The following ARHGEF12 variants were observed in gnomAD, a reference collection of about 807,000 sequenced individuals.
ARHGEF12 encodes the protein Rho guanine nucleotide exchange factor 12.
Under a neutral mutation model 211.2 loss-of-function variants are expected in ARHGEF12, and 66 were observed. The ratio of observed to expected loss-of-function variants is 0.31; its 90% CI spans 0.26 to 0.38. ARHGEF12 has a LOEUF of 0.38. ARHGEF12 is among the 10% of genes least tolerant of loss of function. ARHGEF12 has a pLI of 1.00. For synonymous variants in ARHGEF12, 592 were observed against 638.4 expected (o/e 0.93, Z 1.09); for missense variants, 1,429 against 1,869.5 (o/e 0.76, Z 4.34).
At chr11:120,430,888 C>A (rs1945505519) in intron 10 of ARHGEF12, among the ~76,000 whole-genome samples, 1 of 152,090 alleles carries the variant, frequency 6.6e-6, no homozygotes, top group Non-Finnish European at 1.5e-5. Flanking sequence ...TACCTTCAGT[C>A]CCAGTAGCGA....
intron 1 of ARHGEF12, chr11:120,365,809 G>A (rs1261588930): frequency 6.6e-6 from 1 of 152,118 alleles, no homozygotes; most frequent in Non-Finnish European, 1.5e-5. Flanking sequence ...TTGAAAAAGG[G>A]CACCTCCCAA....
intron 1 of ARHGEF12, among the ~76,000 whole-genome samples, chr11:120,362,673 G>A (rs1384021576): frequency 6.6e-6 from 1 of 152,178 alleles, no homozygotes; most frequent in Non-Finnish European, 1.5e-5. Context: ...TATTTGGAAA[G>A]TATCTTCTAG....
Position 120,480,228 on chromosome 11 carries a change from C to A in ARHGEF12, c.4035C>A (p.Pro1345=), listed in dbSNP as rs1357489341. 4 of 1,614,160 alleles carry A rather than the reference C, an allele frequency of 2.5e-6. No individual in the cohort carries two copies. The highest frequency in any genetic ancestry group is 3.4e-6 in the Non-Finnish European group (4 of 1,180,026). ...FAPRDSVGLA[P]QDSQASNILV... ...CACGGGATTCAGTGGGACTGGCACCCCAGGATAGCCAGGCAAGTAACATTT... is the reference window on the plus strand; with the variant it reads ...CACGGGATTCAGTGGGACTGGCACCACAGGATAGCCAGGCAAGTAACATTT... Residue 1345 remains proline, a synonymous_variant, in exon 38 of 41, where the codon CCC becomes CCA. Coordinates refer to ENST00000397843, the MANE Select transcript of ARHGEF12 (RefSeq NM_015313.3).
chr11:120,451,843 A>T, intron 22 of ARHGEF12, 119 bp downstream of exon 22: 5 of 917,276 alleles, frequency 5.5e-6, no homozygotes, highest in Non-Finnish European at 8.2e-6. Context: ...TAATTTTGAC[A>T]TTTTAATATG....
intron 1 of ARHGEF12, among the ~76,000 whole-genome samples, chr11:120,350,392 G>A (rs1040892746): frequency 5.3e-5 from 8 of 152,004 alleles, no homozygotes; most frequent in African/African-American, 1.7e-4. Context: ...GTGGGCACCT[G>A]TAGTCCCAGC....
intron 15 of ARHGEF12, among the ~76,000 whole-genome samples, chr11:120,443,021 CTTTTTTTTTT>C (rs371200953): frequency 0.01 from 1,394 of 133,702 alleles, 10 homozygotes; most frequent in Middle Eastern, 0.023. Flanking sequence ...GAGTGACTGT[CTTTTTTTTTT>C]TTTTTTTTGA....
chr11:120,426,864 T>G (rs1380373007), intron 7 of ARHGEF12, among the ~76,000 whole-genome samples: 3 of 151,548 alleles, frequency 2.0e-5, no homozygotes, highest in Non-Finnish European at 4.4e-5. Flanking sequence ...TATGGTGTTT[T>G]TTTTTGTTTT....
In ARHGEF12 at chr11:120,337,143, CT is replaced by C; in HGVS notation, c.-100del. The C allele has an allele frequency of 7.0e-7, 1 of 1,424,778 alleles. No individual in the cohort carries two copies. Among genetic ancestry groups the C allele is most frequent in the Non-Finnish European group, 9.9e-7 (1 of 1,009,618 alleles). 88.3% of individuals were successfully genotyped at this position (1,424,778 alleles called of 1,614,324 possible). On this transcript the variant is annotated 5_prime_UTR_variant, in exon 1 of 41. The change abolishes the stop of an existing upstream ORF in the 5' untranslated region. Coordinates refer to ENST00000397843, the MANE Select transcript of ARHGEF12 (RefSeq NM_015313.3). Reference sequence around the variant, plus strand: ...AGTTTTGAGTTGGACTTTTGTGTCCCTGACGGAGTTGGGCCTGATCCCAGAG... The same window carrying C: ...AGTTTTGAGTTGGACTTTTGTGTCCCGACGGAGTTGGGCCTGATCCCAGAG...
At chr11:120,478,461 G>A in intron 37 of ARHGEF12, 72 bp downstream of exon 37, 3 of 1,343,596 alleles carry the variant, frequency 2.2e-6, no homozygotes, top group Non-Finnish European at 3.1e-6. Context: ...TAAAGTATGT[G>A]GATTTATCAA....
chr11:120,462,086 C>T (rs117843905), intron 27 of ARHGEF12, among the ~76,000 whole-genome samples: 2,370 of 152,196 alleles, frequency 0.016, 33 homozygotes, highest in Non-Finnish European at 0.024. Flanking sequence ...GGCCATTTGG[C>T]GTAAGAGCCA....
chr11:120,371,209 C>T (rs1399391235), intron 1 of ARHGEF12, among the ~76,000 whole-genome samples: 3 of 152,224 alleles, frequency 2.0e-5, no homozygotes, highest in East Asian at 3.8e-4. Flanking sequence ...ATCTTTAGGG[C>T]TGGGTGCGGT....
intron 1 of ARHGEF12, among the ~76,000 whole-genome samples, chr11:120,372,418 A>T (rs1943614761): frequency 6.6e-6 from 1 of 151,958 alleles, no homozygotes; most frequent in Non-Finnish European, 1.5e-5. Flanking sequence ...GATTGTAGTT[A>T]TTTGTGCTTC....
chr11:120,360,916 A>G (rs947515089), intron 1 of ARHGEF12, among the ~76,000 whole-genome samples: 1 of 152,224 alleles, frequency 6.6e-6, no homozygotes, highest in Admixed American at 6.5e-5. Context: ...ATTTTTGGTC[A>G]GTTAGCAATA....
At chr11:120,399,340 A>G (rs1357401500) in intron 1 of ARHGEF12, among the ~76,000 whole-genome samples, 1 of 146,214 alleles carries the variant, frequency 6.8e-6, no homozygotes, top group Non-Finnish European at 1.5e-5. Flanking sequence ...AAAAAAAAAA[A>G]AAAAAAAAAA....
At chr11:120,426,052 A>G (rs1945336697) in intron 7 of ARHGEF12, among the ~76,000 whole-genome samples, 2 of 152,178 alleles carry the variant, frequency 1.3e-5, no homozygotes, top group South Asian at 4.1e-4. Context: ...TTTTCATCAG[A>G]GTACCAGTGC....
chr11:120,430,563 A>G (rs1466545558), intron 10 of ARHGEF12, among the ~76,000 whole-genome samples: 1 of 152,226 alleles, frequency 6.6e-6, no homozygotes, highest in Non-Finnish European at 1.5e-5. Flanking sequence ...TGTAATATTC[A>G]GATTTGGGAT....
intron 1 of ARHGEF12, among the ~76,000 whole-genome samples, chr11:120,355,898 A>G (rs1254139765): frequency 6.6e-6 from 1 of 152,140 alleles, no homozygotes; most frequent in Non-Finnish European, 1.5e-5. Context: ...CTTTAATAGG[A>G]GTGTATTTTT....
intron 1 of ARHGEF12, among the ~76,000 whole-genome samples, chr11:120,348,532 G>A (rs1251705457): frequency 6.6e-6 from 1 of 152,162 alleles, no homozygotes; most frequent in Non-Finnish European, 1.5e-5. Flanking sequence ...ATTATTTACA[G>A]TAGTGTATAA....
Position 120,336,963 on chromosome 11 carries a change from T to C in ARHGEF12, c.-281T>C, listed in dbSNP as rs1942368699. The C allele has an allele frequency of 2.1e-6, 1 of 466,672 alleles. No homozygotes were observed. The highest frequency in any genetic ancestry group is 3.8e-6 in the Non-Finnish European group (1 of 265,346). The allele number at this position is 466,672 out of a possible 1,614,324, so 28.9% of individuals were successfully genotyped here. A position where few individuals can be genotyped will look rare whatever the true frequency, so the allele number is the denominator to read the frequency against. ...GCGGATTTCCCTCTCTGAGGAAGTT[T>C]ATCCTTGTGCCTTCTGGAGGATTTC... On this transcript the variant is annotated 5_prime_UTR_variant, in exon 1 of 41. Coordinates refer to ENST00000397843, the MANE Select transcript of ARHGEF12 (RefSeq NM_015313.3).
Sources: gnomAD v4.1 joint callset for allele counts (sites outside exome capture counted in the v4.1 genomes callset) on GRCh38, gnomAD v4.1.1 for gene constraint, MANE v1.5 for transcripts, NCBI Gene and HGNC (gene_info 2026-07-23, HGNC 2026-07-21) for gene names.